Variants in USP49 observed in about 807,000 individuals in gnomAD.
USP49 encodes the protein ubiquitin specific peptidase 49.
In USP49, 24 loss-of-function variants were observed where a neutral mutation model predicts 58.6. The observed-to-expected ratio is 0.41, with a 90% CI of 0.30 to 0.58. The LOEUF is 0.58. USP49 is among the 20% of genes least tolerant of loss of function. The pLI is 0.30. For missense variants in USP49, 703 were observed against 866.1 expected (o/e 0.81, Z 2.36); for synonymous variants, 408 against 365.1 (o/e 1.12, Z -1.34).
chr6:41,822,273 G>C (rs1352972801), intron 3 of USP49, among the ~76,000 whole-genome samples: 1 of 152,102 alleles, frequency 6.6e-6, no homozygotes, highest in South Asian at 2.1e-4. Flanking sequence ...TTCCACACAT[G>C]GTCATTTGTA....
intron 6 of USP49, among the ~76,000 whole-genome samples, 156 bp from the exon 7 acceptor site, chr6:41,799,085 T>TATTTATTG (rs1284133667): frequency 2.7e-5 from 4 of 148,368 alleles, no homozygotes; most frequent in Non-Finnish European, 5.9e-5. Context: ...CACACTTATT[T>TATTTATTG]ATTTATTTAT....
At chr6:41,847,712 CA>C (rs796277859) in intron 3 of USP49, among the ~76,000 whole-genome samples, 323 of 136,428 alleles carry the variant, frequency 2.4e-3, no homozygotes, top group African/African-American at 6.0e-3. Context: ...GACTCTGTCT[CA>C]AAAAAAAAAA....
Position 41,806,411 on chromosome 6 carries a change from C to A in USP49, c.573G>T (p.Glu191Asp). 1 of 1,568,526 alleles carries A rather than the reference C, an allele frequency of 6.4e-7. No homozygotes were observed. Among genetic ancestry groups the A allele is most frequent in the Non-Finnish European group, 8.6e-7 (1 of 1,165,886 alleles). Residue 191 changes from glutamate to aspartate, a missense_variant, in exon 4 of 8, where the codon GAG (glutamate) becomes GAT (aspartate). Physicochemically the swap from Glu to Asp is conservative, Grantham distance 45 (BLOSUM62 2). Transcript: ENST00000682992. The surrounding 1 kb of genome is among the most constrained non-coding windows in gnomAD (Gnocchi z 5.9). ...GCTCCTCCAGCAGCCGCCGTTTCACCTCGCGCCGCCGCCTCCGCGCCTCCT... is the reference window on the plus strand; with the variant it reads ...GCTCCTCCAGCAGCCGCCGTTTCACATCGCGCCGCCGCCTCCGCGCCTCCT... ...KKEEARRRRR[E>D]VKRRLLEELA...
chr6:41,871,470 T>G (rs1477081078), intron 3 of USP49, 94 bp downstream of exon 3: 1 of 152,184 alleles, frequency 6.6e-6, no homozygotes. Flanking sequence ...AACTGATCAA[T>G]TACCCTCATA....
At chr6:41,880,161 T>G (rs542801760) in intron 2 of USP49, among the ~76,000 whole-genome samples, 2 of 151,178 alleles carry the variant, frequency 1.3e-5, no homozygotes, top group East Asian at 3.9e-4. Context: ...ACTTAAAAAT[T>G]AAAAATATGA....
In USP49 at chr6:41,805,739, G is replaced by A. The variant is rs758457104; in HGVS notation, c.1245C>T (p.Leu415=). The A allele has an allele frequency of 1.4e-5, 23 of 1,614,008 alleles. No individual in the cohort carries two copies. The highest frequency in any genetic ancestry group is 2.2e-5 in the East Asian group (1 of 44,890). Residue 415 remains leucine (L), a synonymous_variant, in exon 4 of 8, where the codon CTC becomes CTT. Transcript: ENST00000682992. ...CELLHKVQQE[L]ESEGTTRRIL... is the part of the protein sequence containing the mutation. ...TCCGGCGTGTGGTGCCCTCAGACTC[G>A]AGTTCCTGCTGCACCTTGTGCAGCA...
chr6:41,794,042 T>C lies in USP49; in HGVS notation c.*2491A>G, dbSNP rs1388304543. The C allele has an allele frequency of 6.6e-6, 1 of 152,210 alleles. No individual in the cohort carries two copies. The highest frequency in any genetic ancestry group is 1.5e-5 in the Non-Finnish European group (1 of 68,026). 9.4% of individuals were successfully genotyped at this position (152,210 alleles called of 1,614,324 possible). On this transcript the variant is annotated 3_prime_UTR_variant, in exon 8 of 8. Transcript: ENST00000682992. The stretch of plus-strand genomic sequence containing the variant: ...CATCTATACCCAGTACGTAAATAAA[T>C]TAAAGGCAAAGGGACATTTCCCTCA...
intron 3 of USP49, among the ~76,000 whole-genome samples, chr6:41,861,169 C>T (rs1028360862): frequency 2.0e-5 from 3 of 151,094 alleles, no homozygotes; most frequent in East Asian, 2.0e-4. Context: ...CAGGGCCGGG[C>T]GCAGTGGCTC....
At chr6:41,864,957 G>A (rs148398695) in intron 3 of USP49, among the ~76,000 whole-genome samples, 2,219 of 152,110 alleles carry the variant, frequency 0.015, 35 homozygotes, top group Non-Finnish European at 0.026. Flanking sequence ...AAAATCTCAC[G>A]CATTTAAGAA....
chr6:41,845,947 C>T (rs1437292418), intron 3 of USP49, among the ~76,000 whole-genome samples: 6 of 152,098 alleles, frequency 3.9e-5, no homozygotes, highest in East Asian at 3.8e-4. Context: ...ATCTTGTCTT[C>T]GCAGCCAAAA....
chr6:41,829,661 C>G (rs1170941381), intron 3 of USP49, among the ~76,000 whole-genome samples: 1 of 152,180 alleles, frequency 6.6e-6, no homozygotes, highest in Non-Finnish European at 1.5e-5. Context: ...CAAATATAGA[C>G]AGCTTGGTCC....
intron 2 of USP49, chr6:41,886,504 C>T (rs1335566813): frequency 1.3e-5 from 2 of 152,228 alleles, no homozygotes; most frequent in African/African-American, 2.4e-5. Context: ...TTAGCTCTAA[C>T]AGGGACTTTG....
chr6:41,824,620 C>T (rs542490582), intron 3 of USP49, among the ~76,000 whole-genome samples: 10 of 152,194 alleles, frequency 6.6e-5, no homozygotes, highest in Admixed American at 4.6e-4. Context: ...GAAGGAGAAT[C>T]GCTTGAACCT....
At position 41,818,342 on chromosome 6, in the gene USP49, T is replaced by TAC. The variant is rs148784626; in HGVS notation, c.-28-11333_-28-11332dup. 5.3e-5 allele frequency among the ~76,000 whole-genome samples: 8 copies of TAC among 151,534 alleles called. No homozygotes were observed. The East Asian group carries it at 5.8e-4, about 11-fold the overall frequency. On this transcript the variant is annotated intron_variant, in intron 3 of 7. Transcript: ENST00000682992. ...TCTGAATACACTGGGAGAGCACGTG[T>TAC]ACACACACACACACATGCGCACACA...
At chr6:41,813,558 T>C (rs1278011197) in intron 3 of USP49, among the ~76,000 whole-genome samples, 3 of 152,214 alleles carry the variant, frequency 2.0e-5, no homozygotes, top group African/African-American at 2.4e-5. Context: ...AAGGGCACTT[T>C]GGAAATTCTT....
rs574522378 is a variant in USP49 at position 41,795,535 on chromosome 6, C to A, written c.*998G>T. On this transcript the variant is annotated 3_prime_UTR_variant, in exon 8 of 8. Coordinates refer to ENST00000682992, the MANE Select transcript of USP49 (RefSeq NM_001286554.2). ...CTAGAGAACCAAAAGCTCCCAAACC[C>A]TGTGAACATGAATGTTCTAGCTCTC... 2 of 152,250 alleles carry A rather than the reference C, an allele frequency of 1.3e-5. No homozygotes were observed. The highest frequency in any genetic ancestry group is 2.4e-5 in the African/African-American group (1 of 41,444). The allele number at this position is 152,250 out of a possible 1,614,324, so 9.4% of individuals were successfully genotyped here.
chr6:41,884,978 A>G (rs1296694469), intron 2 of USP49, among the ~76,000 whole-genome samples: 5 of 152,238 alleles, frequency 3.3e-5, no homozygotes, highest in Non-Finnish European at 2.9e-5. Context: ...TCCTACATAA[A>G]TTAGACAGCC....
intron 2 of USP49, among the ~76,000 whole-genome samples, chr6:41,889,165 TG>T (rs894553227): frequency 2.0e-5 from 3 of 152,072 alleles, no homozygotes; most frequent in African/African-American, 7.2e-5. Context: ...CCAGAGTAGC[TG>T]GGATTACCGG....
intron 3 of USP49, among the ~76,000 whole-genome samples, chr6:41,824,409 A>T (rs1773502626): frequency 7.0e-6 from 1 of 143,476 alleles, no homozygotes; most frequent in Non-Finnish European, 1.5e-5. Flanking sequence ...TTAGATGTTT[A>T]AAAAAAAAAA....
Sources: gnomAD v4.1 joint callset for allele counts (sites outside exome capture counted in the v4.1 genomes callset) on GRCh38, gnomAD v4.1.1 for gene constraint, Gnocchi (gnomAD v3.1) non-coding constraint, MANE v1.5 for transcripts, NCBI Gene and HGNC (gene_info 2026-07-23, HGNC 2026-07-21) for gene names.